SLC5A11: variants seen among roughly 807,000 people sequenced by gnomAD.
SLC5A11 encodes sodium/myo-inositol cotransporter 2.
A neutral mutation model predicts 69.8 loss-of-function variants in SLC5A11; 48 were observed. The ratio of observed to expected loss-of-function variants is 0.69; its 90% confidence interval spans 0.55 to 0.87. The LOEUF (loss-of-function observed/expected upper bound fraction) is 0.87. Among genes scored for constraint, SLC5A11 ranks in the 40% least tolerant of loss-of-function variants. The pLI, the probability that SLC5A11 is intolerant of heterozygous loss-of-function variation, is 0.00. For missense variants in SLC5A11, 784 were observed against 866.1 expected, an observed-to-expected ratio of 0.91 and a Z score of 1.19; for synonymous variants, 319 against 342.4, an observed-to-expected ratio of 0.93 and a Z score of 0.75.
At chr16:24,898,022 G>A (rs778554071) in exon 10 of SLC5A11, 1 of 1,614,184 alleles carries the variant, frequency 6.2e-7, no homozygotes, top group Non-Finnish European at 8.5e-7. Flanking sequence ...CCATGCCAAA[G>A]GAGGTGCTCT....
chr16:24,851,994 T>TCTCC (rs779064066), intron 1 of SLC5A11, among the ~76,000 whole-genome samples: 2,367 of 127,476 alleles, frequency 0.019, 43 homozygotes, highest in African/African-American at 0.054. Context: ...TCTCTCTCTC[T>TCTCC]CCCACTCTAT....
rs187665499 is a variant in SLC5A11 at position 24,884,611 on chromosome 16, C to A, written c.664+480C>A. ...AGTGATTCTCCTGCCTCAGCCTCCC[C>A]AAGCTGCCCCACCTGGCACTGTTTT... On this transcript the variant is annotated intron_variant, in intron 8 of 15. Coordinates refer to ENST00000347898, the Ensembl canonical transcript of SLC5A11. 7.3e-3 allele frequency among the ~76,000 whole-genome samples: 1,063 copies of A among 145,576 alleles called. 15 individuals are homozygous for A. Among genetic ancestry groups the A allele is most frequent in the African/African-American group, 0.025 (999 of 39,374 alleles).
chr16:24,888,478 CTTTTTT>C (rs891552223), intron 8 of SLC5A11, among the ~76,000 whole-genome samples: 1 of 81,406 alleles, frequency 1.2e-5, no homozygotes, highest in Non-Finnish European at 2.2e-5. Context: ...GTATCTATTT[CTTTTTT>C]TTTTTTTTTT....
intron 1 of SLC5A11, among the ~76,000 whole-genome samples, chr16:24,849,907 A>G (rs1364130064): frequency 6.6e-6 from 1 of 151,768 alleles, no homozygotes; most frequent in Non-Finnish European, 1.5e-5. Flanking sequence ...CCTCTGCTTC[A>G]GCCTCAAATC....
chr16:24,885,181 C>G (rs992295290), intron 8 of SLC5A11, among the ~76,000 whole-genome samples: 7 of 152,120 alleles, frequency 4.6e-5, no homozygotes, highest in African/African-American at 1.7e-4. Flanking sequence ...TTTGGAGGCT[C>G]CTGTGTTTTC....
chr16:24,856,520 G>A (rs541335934), intron 1 of SLC5A11, among the ~76,000 whole-genome samples: 10 of 150,520 alleles, frequency 6.6e-5, no homozygotes, highest in African/African-American at 9.7e-5. Flanking sequence ...TTGGGAGGCC[G>A]AGGTGGGTGG....
At chr16:24,871,389 G>T (rs1221036338) in intron 4 of SLC5A11, among the ~76,000 whole-genome samples, 2 of 152,024 alleles carry the variant, frequency 1.3e-5, no homozygotes, top group African/African-American at 4.8e-5. Context: ...TCCCACTTCA[G>T]CCTCCCAAGT....
chr16:24,905,284 A>C lies in SLC5A11; in HGVS notation c.1007-1373A>C, dbSNP rs1046793953. Among the ~76,000 whole-genome samples, 241 of 146,128 alleles carry C rather than the reference A, an allele frequency of 1.6e-3. 1 individual carries two copies. Among genetic ancestry groups the C allele is most frequent in the Admixed American group, 3.4e-3 (49 of 14,616 alleles). On this transcript the variant is annotated intron_variant, in intron 10 of 15. Coordinates refer to ENST00000347898, the Ensembl canonical transcript of SLC5A11. ...ACTAAAAATACAAAAAAAAAAAAAAAAAAAAAAAAAAACCTGGGTGTGGTG... is the reference window on the plus strand; with the variant it reads ...ACTAAAAATACAAAAAAAAAAAAAACAAAAAAAAAAAACCTGGGTGTGGTG...
chr16:24,883,210 T>G (rs1019835502), intron 7 of SLC5A11, among the ~76,000 whole-genome samples: 1 of 151,840 alleles, frequency 6.6e-6, no homozygotes, highest in Non-Finnish European at 1.5e-5. Flanking sequence ...AGAGAAAAGT[T>G]AAAAATTAGC....
intron 1 of SLC5A11, among the ~76,000 whole-genome samples, chr16:24,856,094 C>T (rs968062669): frequency 1.3e-5 from 2 of 152,186 alleles, no homozygotes; most frequent in African/African-American, 2.4e-5. Flanking sequence ...TGTTCCTGGC[C>T]TTCAGAGATG....
rs11286846 is a variant in SLC5A11 at position 24,891,310 on chromosome 16, CTTTTTT to C, written c.870+251_870+256del. Among the ~76,000 whole-genome samples, 168 of 102,174 alleles carry C rather than the reference CTTTTTT, an allele frequency of 1.6e-3. 2 individuals carry two copies. The highest frequency in any genetic ancestry group is 5.1e-3 in the African/African-American group (140 of 27,524). 67.0% of individuals were successfully genotyped at this position (102,174 alleles called of 152,430 possible). A position where few individuals can be genotyped will look rare whatever the true frequency, so the allele number is the denominator to read the frequency against. ...AAGGGGAAAACTCAACACACTCTGCCTTTTTTTTTTTTTTTTTTTTCTGAGACAGGG... is the reference window on the plus strand; with the variant it reads ...AAGGGGAAAACTCAACACACTCTGCCTTTTTTTTTTTTTTCTGAGACAGGG... On this transcript the variant is annotated intron_variant, in intron 9 of 15. Transcript: ENST00000347898.
chr16:24,893,499 C>T (rs2048952267), intron 9 of SLC5A11, among the ~76,000 whole-genome samples: 1 of 152,178 alleles, frequency 6.6e-6, no homozygotes, highest in Admixed American at 6.5e-5. Context: ...GACCATCTTC[C>T]TCCTTCCTTT....
intron 8 of SLC5A11, among the ~76,000 whole-genome samples, chr16:24,890,588 C>G (rs1437134034): frequency 3.3e-5 from 5 of 149,370 alleles, no homozygotes; most frequent in Non-Finnish European, 5.9e-5. Context: ...ACATTCATTA[C>G]TTTGTGACGG....
exon 4 of SLC5A11, chr16:24,869,932 G>T (rs1164487784): frequency 1.2e-6 from 2 of 1,614,040 alleles, no homozygotes; most frequent in Non-Finnish European, 1.7e-6. Context: ...AGCAATGTTG[G>T]AAGTGGACAT....
Position 24,876,199 on chromosome 16 carries a change from A to AAAAAG in SLC5A11, c.477+473_477+477dup, listed in dbSNP as rs1285091550. Among the ~76,000 whole-genome samples the AAAAAG allele has an allele frequency of 3.4e-5, 5 of 148,926 alleles. 1 individual carries two copies. The highest frequency in any genetic ancestry group is 7.5e-5 in the Non-Finnish European group (5 of 66,638). On this transcript the variant is annotated intron_variant, in intron 6 of 15. Coordinates refer to ENST00000347898, the Ensembl canonical transcript of SLC5A11. The stretch of plus-strand genomic sequence containing the variant: ...TGAAAGAGCGAGACTCTGTGTCAAA[A>AAAAAG]AAAAGAAAAAAAAAAAAAAGAAGAA...
exon 16 of SLC5A11, chr16:24,911,418 GAGC>G: frequency 6.2e-7 from 1 of 1,614,106 alleles, no homozygotes; most frequent in Non-Finnish European, 8.5e-7. Flanking sequence ...CTCCCGGCCA[GAGC>G]AGAAGCCATC....
chr16:24,899,623 C>T (rs1331008874), intron 10 of SLC5A11, among the ~76,000 whole-genome samples: 5 of 151,972 alleles, frequency 3.3e-5, no homozygotes, highest in East Asian at 1.9e-4. Flanking sequence ...AGGATGGTCT[C>T]GATCTCTTGA....
chr16:24,851,366 GA>G (rs566817307), intron 1 of SLC5A11, among the ~76,000 whole-genome samples: 3,317 of 148,268 alleles, frequency 0.022, 96 homozygotes, highest in African/African-American at 0.058. Context: ...TACAAAAAAA[GA>G]AAAAAAAAAT....
exon 3 of SLC5A11, chr16:24,862,651 A>G: frequency 6.2e-7 from 1 of 1,613,430 alleles, no homozygotes; most frequent in Non-Finnish European, 8.5e-7. Flanking sequence ...TCCTGGCTGG[A>G]GGGGACATGG....
Sources: gnomAD v4.1 joint callset for allele counts (sites outside exome capture counted in the v4.1 genomes callset) on GRCh38, gnomAD v4.1.1 for gene constraint, MANE v1.5 for transcripts, NCBI Gene and HGNC (gene_info 2026-07-23, HGNC 2026-07-21) for gene names.